S100PBP: variants seen among roughly 807,000 people sequenced by gnomAD.
The protein encoded by S100PBP is S100P binding protein, also known as S100P-binding protein.
S100PBP carries 15 observed loss-of-function variants against 39.9 expected under a neutral mutation model. The ratio of observed to expected loss-of-function variants is 0.38; its 90% CI spans 0.25 to 0.58. The LOEUF is 0.58. S100PBP is among the 20% of genes least tolerant of loss of function. S100PBP has a pLI of 0.70. For synonymous variants in S100PBP, 178 were observed against 180.3 expected, an observed-to-expected ratio of 0.99 and a Z score of 0.10; for missense variants, 504 against 487.3, an observed-to-expected ratio of 1.03 and a Z score of -0.32.
upstream of S100PBP, chr1:32,816,797 C>T (rs1638751597): frequency 3.5e-6 from 1 of 289,046 alleles, no homozygotes; most frequent in South Asian, 4.5e-5. Context: ...CCCAGTATAG[C>T]ATCTTCCAGT....
chr1:32,817,525 T>C (rs1638788874), upstream of S100PBP: 3 of 581,188 alleles, frequency 5.2e-6, no homozygotes, highest in Middle Eastern at 4.6e-4. Context: ...GGCACAACCC[T>C]CCTAGAGGCG....
intron 1 of S100PBP, among the ~76,000 whole-genome samples, chr1:32,822,139 T>G (rs1432635544): frequency 6.6e-6 from 1 of 152,158 alleles, no homozygotes; most frequent in African/African-American, 2.4e-5. Flanking sequence ...TATTTACAGA[T>G]GAAATGATAC....
chr1:32,843,115 T>TA (rs1308286730), intron 5 of S100PBP: 18 of 152,232 alleles, frequency 1.2e-4, no homozygotes, highest in Non-Finnish European at 1.5e-4. Context: ...GTCTTGGTCT[T>TA]ACATTCTATA....
At chr1:32,846,262 T>C (rs1490695964) in intron 5 of S100PBP, among the ~76,000 whole-genome samples, 2 of 152,146 alleles carry the variant, frequency 1.3e-5, no homozygotes, top group Admixed American at 1.3e-4. Context: ...GTGCTGGGAT[T>C]ACAGGCATGA....
At chr1:32,853,782 T>C (rs1476292159) in intron 6 of S100PBP, among the ~76,000 whole-genome samples, 1 of 151,968 alleles carries the variant, frequency 6.6e-6, no homozygotes, top group Non-Finnish European at 1.5e-5. Context: ...CTGTAGTCCC[T>C]GAGAGTGCCT....
chr1:32,852,174 A>G (rs865810980), intron 5 of S100PBP, among the ~76,000 whole-genome samples: 1 of 152,076 alleles, frequency 6.6e-6, no homozygotes, highest in Non-Finnish European at 1.5e-5. Context: ...TTAGCCTGGC[A>G]TGGTGATAGG....
intron 5 of S100PBP, among the ~76,000 whole-genome samples, chr1:32,834,456 T>A (rs1639732219): frequency 6.6e-6 from 1 of 152,238 alleles, no homozygotes; most frequent in East Asian, 1.9e-4. Context: ...CTCCATTCTC[T>A]GTATTTCCTG....
At chr1:32,835,425 CAT>C (rs1282919007) in intron 5 of S100PBP, 1 of 151,992 alleles carries the variant, frequency 6.6e-6, no homozygotes. Flanking sequence ...ATACATCTAA[CAT>C]AAAATTACCA....
intron 5 of S100PBP, among the ~76,000 whole-genome samples, chr1:32,831,315 G>A (rs549831706): frequency 2.6e-5 from 4 of 151,720 alleles, no homozygotes; most frequent in Non-Finnish European, 4.4e-5. Flanking sequence ...AGCAGGGAAG[G>A]AGCCCTTCTG....
intron 1 of S100PBP, among the ~76,000 whole-genome samples, chr1:32,819,777 G>GT (rs944861885): frequency 3.3e-5 from 5 of 152,114 alleles, no homozygotes; most frequent in Non-Finnish European, 5.9e-5. Flanking sequence ...TAAATACCAT[G>GT]TTTTTTTAGT....
At chr1:32,824,601 C>A (rs1639238078) in intron 1 of S100PBP, among the ~76,000 whole-genome samples, 1 of 150,052 alleles carries the variant, frequency 6.7e-6, no homozygotes, top group Non-Finnish European at 1.5e-5. Flanking sequence ...CTTGCTCTGT[C>A]ACCCTGGCTG....
rs1404602551 is a variant in S100PBP at position 32,838,310 on chromosome 1, G to A, written c.1024+8243G>A. Among the ~76,000 whole-genome samples, 9 of 149,184 alleles carry A rather than the reference G, an allele frequency of 6.0e-5. No individual in the cohort carries two copies. In the East Asian group the frequency reaches 1.8e-3, roughly 29 times the overall value. On this transcript the variant is annotated intron_variant, in intron 5 of 6. Coordinates refer to ENST00000373475, the MANE Select transcript of S100PBP (RefSeq NM_022753.4). ...GATAGCGCCACTGCAGTCCGGCCTGGGCGAAAGAGCGAGACTCTGTCTCAA... is the reference window on the plus strand; with the variant it reads ...GATAGCGCCACTGCAGTCCGGCCTGAGCGAAAGAGCGAGACTCTGTCTCAA...
intron 1 of S100PBP, chr1:32,818,659 G>A (rs903388754): frequency 1.3e-5 from 2 of 152,224 alleles, no homozygotes; most frequent in African/African-American, 2.4e-5. Flanking sequence ...CCCTCATCTA[G>A]TGAAATGTTA....
chr1:32,842,236 T>TATATATATACACAC lies in S100PBP; in HGVS notation c.1025-10842_1025-10841insTATATATACACACA, dbSNP rs372174677. Reference sequence around the variant, plus strand: ...ATATATATATGTATATATATATATATACACACACACACACACACACACACA... The same window carrying TATATATATACACAC: ...ATATATATATGTATATATATATATATATATATATACACACACACACACACACACACACACACACA... On this transcript the variant is annotated intron_variant, in intron 5 of 6. Transcript: ENST00000373475. Among the ~76,000 whole-genome samples, 259 of 80,852 alleles carry TATATATATACACAC rather than the reference T, an allele frequency of 3.2e-3. 2 individuals carry two copies. In the Middle Eastern group the frequency reaches 0.034, roughly 11 times the overall value. 53.0% of individuals were successfully genotyped at this position (80,852 alleles called of 152,430 possible).
intron 5 of S100PBP, among the ~76,000 whole-genome samples, chr1:32,838,069 C>T (rs960188746): frequency 2.6e-5 from 4 of 152,180 alleles, no homozygotes; most frequent in African/African-American, 9.6e-5. Context: ...CAGCTGGGTG[C>T]GGTGGCTCAC....
chr1:32,817,315 C>G, upstream of S100PBP: 2 of 1,593,200 alleles, frequency 1.3e-6, no homozygotes, highest in Non-Finnish European at 1.7e-6. Context: ...GTCGCCGCCG[C>G]GTGCCGGGAA....
At chr1:32,827,842 G>T in intron 3 of S100PBP, 151 bp from the exon 4 acceptor site, 184 of 189,336 alleles carry the variant, frequency 9.7e-4, no homozygotes, top group East Asian at 2.7e-3. Flanking sequence ...TATCTCATTT[G>T]AAGCACTACT....
intron 4 of S100PBP, among the ~76,000 whole-genome samples, chr1:32,828,924 C>G (rs755827257): frequency 3.2e-4 from 48 of 152,076 alleles, no homozygotes; most frequent in Non-Finnish European, 5.6e-4. Context: ...ATTGCTTGAG[C>G]CCAGGGGACA....
At chr1:32,829,425 G>A (rs1639489831) in intron 4 of S100PBP, among the ~76,000 whole-genome samples, 1 of 152,100 alleles carries the variant, frequency 6.6e-6, no homozygotes, top group African/African-American at 2.4e-5. Context: ...CTTGTTAGCA[G>A]GAGGTTGTAT....
Sources: gnomAD v4.1 joint callset for allele counts (sites outside exome capture counted in the v4.1 genomes callset) on GRCh38, gnomAD v4.1.1 for gene constraint, MANE v1.5 for transcripts, NCBI Gene and HGNC (gene_info 2026-07-23, HGNC 2026-07-21) for gene names.